APBB1IP: variants seen among roughly 807,000 people sequenced by gnomAD.
APBB1IP encodes amyloid beta precursor protein binding family B member 1 interacting protein.
Under a neutral mutation model 64.9 loss-of-function variants are expected in APBB1IP, and 27 were observed. The observed-to-expected ratio is 0.42, with a 90% confidence interval of 0.31 to 0.57. The LOEUF (loss-of-function observed/expected upper bound fraction) is 0.57. APBB1IP is among the 20% of genes least tolerant of loss of function. The pLI, the probability that APBB1IP is intolerant of heterozygous loss-of-function variation, is 0.20. For synonymous variants in APBB1IP, 392 were observed against 331.0 expected (o/e 1.18, Z -2.00); for missense variants, 812 against 845.5 (o/e 0.96, Z 0.49).
Position 26,500,804 on chromosome 10 carries a change from G to A in APBB1IP, c.161-15G>A. 4 of 1,595,846 alleles carry A rather than the reference G, an allele frequency of 2.5e-6. No homozygotes were observed. Among genetic ancestry groups the A allele is most frequent in the Non-Finnish European group, 3.4e-6 (4 of 1,169,392 alleles). ...AAATAGGTTTTTATACCATTAATGT[G>A]ATTTTCCCTACTAGAGTCCTTAAAT... On this transcript the variant is annotated splice_polypyrimidine_tract_variant and intron_variant, in intron 4 of 14. Coordinates refer to ENST00000376236, the MANE Select transcript of APBB1IP (RefSeq NM_019043.4).
intron 11 of APBB1IP, among the ~76,000 whole-genome samples, chr10:26,556,157 C>A (rs1456828839): frequency 1.3e-5 from 2 of 152,206 alleles, no homozygotes; most frequent in Non-Finnish European, 2.9e-5. Context: ...TGATCGGGAA[C>A]AATCAAATCA....
intron 8 of APBB1IP, among the ~76,000 whole-genome samples, chr10:26,531,528 G>A (rs1164610239): frequency 1.3e-5 from 2 of 151,844 alleles, no homozygotes; most frequent in Non-Finnish European, 2.9e-5. Context: ...TTAGCCGGGC[G>A]CGATGGCGGG....
intron 2 of APBB1IP, among the ~76,000 whole-genome samples, chr10:26,455,433 C>T (rs928346071): frequency 2.0e-5 from 3 of 151,212 alleles, no homozygotes; most frequent in Admixed American, 1.3e-4. Flanking sequence ...GAGGCTGAGG[C>T]AGGAGAATTG....
rs767990384 is a variant in APBB1IP, at chr10:26,501,013, A to G, written c.355A>G (p.Thr119Ala). The G allele has an allele frequency of 1.9e-6, 3 of 1,614,050 alleles. No homozygotes were observed. In the African/African-American group the frequency reaches 4.0e-5, roughly 22 times the overall value. The change falls in exon 5 of 15, where the codon ACT becomes GCT. Residue 119 changes from threonine to alanine, a missense_variant. By Grantham distance (58) the Thr-to-Ala change is moderately conservative. Coordinates refer to ENST00000376236, the MANE Select transcript of APBB1IP (RefSeq NM_019043.4). ...SLGYGTNVAA[T>A]GISQYEDDLP... ...TGGTTATGGAACAAATGTTGCTGCC[A>G]CTGGTATCAGCCAATATGAGGATGA... is the stretch of plus-strand genomic sequence containing the variant.
Position 26,567,746 on chromosome 10 carries a change from G to A in APBB1IP, c.*258G>A. The stretch of plus-strand genomic sequence containing the variant: ...CAAGCTGCCTAAAGCGCTGTTTTAG[G>A]TTCATTTATTTTATTATGTTCAGAA... On this transcript the variant is annotated 3_prime_UTR_variant, in exon 15 of 15. Transcript: ENST00000376236. 1 of 709,030 alleles carries A rather than the reference G, an allele frequency of 1.4e-6. No homozygotes were observed. Among genetic ancestry groups the A allele is most frequent in the East Asian group, 9.0e-5 (1 of 11,156 alleles). The allele number at this position is 709,030 out of a possible 1,614,324, so 43.9% of individuals were successfully genotyped here.
chr10:26,483,324 T>C (rs1372524699), intron 2 of APBB1IP, among the ~76,000 whole-genome samples: 1 of 152,124 alleles, frequency 6.6e-6, no homozygotes, highest in Non-Finnish European at 1.5e-5. Flanking sequence ...ACTCGATCGA[T>C]TTACTTATCT....
intron 4 of APBB1IP, 119 bp from the exon 5 acceptor site, chr10:26,500,697 TATC>T: frequency 1.1e-6 from 1 of 934,148 alleles, no homozygotes; most frequent in Non-Finnish European, 1.6e-6. Flanking sequence ...AATCTTCTCA[TATC>T]ATAACCAATC....
At chr10:26,452,637 G>A (rs1481770067) in intron 2 of APBB1IP, among the ~76,000 whole-genome samples, 4 of 152,188 alleles carry the variant, frequency 2.6e-5, no homozygotes, top group Non-Finnish European at 1.5e-5. Flanking sequence ...TGTCTGACCT[G>A]TAGTAGTTGC....
chr10:26,457,748 G>A (rs1835544062), intron 2 of APBB1IP, among the ~76,000 whole-genome samples: 1 of 152,190 alleles, frequency 6.6e-6, no homozygotes, highest in Non-Finnish European at 1.5e-5. Context: ...GCTTAAAAAT[G>A]AGGAGGGAGA....
chr10:26,551,578 T>C (rs1836831356), intron 11 of APBB1IP, among the ~76,000 whole-genome samples: 1 of 152,178 alleles, frequency 6.6e-6, no homozygotes, highest in African/African-American at 2.4e-5. Flanking sequence ...CAGAAGTAAA[T>C]ATCTTCCAGG....
At chr10:26,558,577 T>C (rs1836923839) in intron 11 of APBB1IP, among the ~76,000 whole-genome samples, 1 of 149,836 alleles carries the variant, frequency 6.7e-6, no homozygotes, top group African/African-American at 2.5e-5. Flanking sequence ...GCCCGGGGTT[T>C]CAGCACCAGA....
chr10:26,492,853 A>G (rs767124837), intron 3 of APBB1IP, among the ~76,000 whole-genome samples: 16 of 152,208 alleles, frequency 1.1e-4, no homozygotes, highest in Non-Finnish European at 1.9e-4. Context: ...ACGCATTGTC[A>G]TTGGTAAACA....
chr10:26,461,736 T>C (rs1293352034), intron 2 of APBB1IP, among the ~76,000 whole-genome samples: 1 of 152,128 alleles, frequency 6.6e-6, no homozygotes, highest in African/African-American at 2.4e-5. Flanking sequence ...CCCTTCATTT[T>C]TTCGTCTTCT....
At chr10:26,528,334 A>C (rs545591992) in intron 8 of APBB1IP, among the ~76,000 whole-genome samples, 9 of 152,236 alleles carry the variant, frequency 5.9e-5, no homozygotes, top group Admixed American at 2.0e-4. Flanking sequence ...CTAGTGCTCC[A>C]AAGACACCTC....
At chr10:26,546,032 C>T (rs1452936309) in intron 11 of APBB1IP, among the ~76,000 whole-genome samples, 1 of 152,144 alleles carries the variant, frequency 6.6e-6, no homozygotes, top group East Asian at 1.9e-4. Context: ...AGCTTGATGA[C>T]TATGGCTGTT....
intron 2 of APBB1IP, among the ~76,000 whole-genome samples, chr10:26,489,332 C>T (rs1475581976): frequency 6.6e-6 from 1 of 151,870 alleles, no homozygotes; most frequent in Non-Finnish European, 1.5e-5. Context: ...TCCTGTTTGG[C>T]GAGGGTGATA....
chr10:26,545,477 T>C (rs1441151170), intron 11 of APBB1IP, among the ~76,000 whole-genome samples: 1 of 151,982 alleles, frequency 6.6e-6, no homozygotes, highest in Non-Finnish European at 1.5e-5. Flanking sequence ...ATACAAAAAT[T>C]AGGCCGGGCG....
chr10:26,493,818 A>G (rs1233187779), intron 3 of APBB1IP, among the ~76,000 whole-genome samples: 1 of 152,154 alleles, frequency 6.6e-6, no homozygotes, highest in Non-Finnish European at 1.5e-5. Flanking sequence ...ACTCACTAAT[A>G]AAGTATTATC....
intron 2 of APBB1IP, among the ~76,000 whole-genome samples, chr10:26,443,431 G>C (rs1260751172): frequency 2.4e-5 from 3 of 125,124 alleles, no homozygotes; most frequent in Non-Finnish European, 3.3e-5. Flanking sequence ...AAAGTTTCAA[G>C]AGCGAAACTC....
Sources: gnomAD v4.1 joint callset for allele counts (sites outside exome capture counted in the v4.1 genomes callset) on GRCh38, gnomAD v4.1.1 for gene constraint, MANE v1.5 for transcripts, NCBI Gene and HGNC (gene_info 2026-07-23, HGNC 2026-07-21) for gene names.